Variants in NKAIN2 observed in about 807,000 individuals in gnomAD.
The protein encoded by NKAIN2 is sodium/potassium-transporting ATPase subunit beta-1-interacting protein 2.
NKAIN2 carries 14 observed loss-of-function variants against 32.6 expected under a neutral mutation model. The observed-to-expected ratio is 0.43, with a 90% CI of 0.28 to 0.67. The LOEUF (loss-of-function observed/expected upper bound fraction) is 0.67, where lower values mean the gene tolerates loss of function less well. Ranked by LOEUF, NKAIN2 falls within the 30% of genes least tolerant of loss-of-function variation. The probability of loss-of-function intolerance (pLI) is 0.17; values close to 1 mark genes in which losing one functional copy is unlikely to be tolerated. For missense variants in NKAIN2, 198 were observed against 258.3 expected, an observed-to-expected ratio of 0.77 and a Z score of 1.60; for synonymous variants, 80 against 87.2, an observed-to-expected ratio of 0.92 and a Z score of 0.46.
chr6:123,932,922 A>T (rs553197420), intron 1 of NKAIN2, among the ~76,000 whole-genome samples: 23 of 152,064 alleles, frequency 1.5e-4, no homozygotes, highest in African/African-American at 5.3e-4. Context: ...CCAGTCTGCT[A>T]TGAACATTTC....
chr6:124,277,171 A>G (rs1418222219), intron 1 of NKAIN2, among the ~76,000 whole-genome samples: 1 of 152,168 alleles, frequency 6.6e-6, no homozygotes, highest in Non-Finnish European at 1.5e-5. Context: ...GGGGCAGGAA[A>G]CAAAGAGTGG....
At chr6:124,123,262 A>G (rs1472648746) in intron 1 of NKAIN2, among the ~76,000 whole-genome samples, 2 of 152,064 alleles carry the variant, frequency 1.3e-5, no homozygotes. Flanking sequence ...CTGATGGAAG[A>G]CAGCTCTAAT....
intron 3 of NKAIN2, among the ~76,000 whole-genome samples, chr6:124,410,298 T>G (rs1774098204): frequency 6.6e-6 from 1 of 152,184 alleles, no homozygotes; most frequent in African/African-American, 2.4e-5. Context: ...GGTGTCAATT[T>G]TAGATCTTTC....
intron 4 of NKAIN2, among the ~76,000 whole-genome samples, chr6:124,790,469 T>G (rs1476039311): frequency 1.3e-5 from 2 of 152,094 alleles, no homozygotes; most frequent in African/African-American, 2.4e-5. Flanking sequence ...AATGTCATTG[T>G]GAATAATCTT....
intron 1 of NKAIN2, among the ~76,000 whole-genome samples, chr6:123,955,195 C>CA (rs1777509550): frequency 1.0e-5 from 1 of 99,280 alleles, no homozygotes. Context: ...TACAGAAAAA[C>CA]CAAAAAAAAA....
chr6:124,024,047 G>A (rs1365892239), intron 1 of NKAIN2, among the ~76,000 whole-genome samples: 2 of 151,538 alleles, frequency 1.3e-5, no homozygotes, highest in African/African-American at 4.9e-5. Context: ...AGAAATAGGG[G>A]GTGCAATTGG....
intron 1 of NKAIN2, among the ~76,000 whole-genome samples, chr6:123,897,632 A>G (rs1444241307): frequency 6.6e-6 from 1 of 151,962 alleles, no homozygotes; most frequent in Non-Finnish European, 1.5e-5. Context: ...GATTAATTAT[A>G]TATCTGTTAT....
At chr6:124,017,367 A>T (rs1780626881) in intron 1 of NKAIN2, among the ~76,000 whole-genome samples, 1 of 151,916 alleles carries the variant, frequency 6.6e-6, no homozygotes, top group Non-Finnish European at 1.5e-5. Flanking sequence ...TTGTGGCCCC[A>T]CCCAAATCTT....
chr6:124,129,441 A>G (rs574564804), intron 1 of NKAIN2, among the ~76,000 whole-genome samples: 1 of 152,292 alleles, frequency 6.6e-6, no homozygotes, highest in East Asian at 1.9e-4. Flanking sequence ...TTAAATGCAA[A>G]TGGCTATTAT....
chr6:124,144,049 A>T (rs557729325), intron 1 of NKAIN2, among the ~76,000 whole-genome samples: 8 of 152,222 alleles, frequency 5.3e-5, no homozygotes, highest in Non-Finnish European at 8.8e-5. Context: ...AATAAATTGA[A>T]GACAATTTAA....
chr6:124,675,048 G>T (rs555577893), intron 4 of NKAIN2, among the ~76,000 whole-genome samples: 183 of 152,020 alleles, frequency 1.2e-3, no homozygotes, highest in African/African-American at 4.3e-3. Flanking sequence ...TTCATAGTTT[G>T]TTGAGTGTTT....
At chr6:123,823,983 C>T (rs1253748391) in intron 1 of NKAIN2, among the ~76,000 whole-genome samples, 1 of 152,102 alleles carries the variant, frequency 6.6e-6, no homozygotes, top group Non-Finnish European at 1.5e-5. Flanking sequence ...TTAAAAAATA[C>T]TGAGCTGGGA....
chr6:124,625,724 ATTTAT>A (rs1269795413), intron 3 of NKAIN2, among the ~76,000 whole-genome samples: 1 of 151,452 alleles, frequency 6.6e-6, no homozygotes, highest in Non-Finnish European at 1.5e-5. Flanking sequence ...TTATTTATTT[ATTTAT>A]TTTTTGGTCT....
At chr6:124,187,035 T>G (rs905376171) in intron 1 of NKAIN2, among the ~76,000 whole-genome samples, 2 of 152,226 alleles carry the variant, frequency 1.3e-5, no homozygotes, top group Admixed American at 1.3e-4. Flanking sequence ...TTTAGAGCAG[T>G]CTGTGGGATT....
chr6:124,661,656 C>A (rs2114439726), intron 4 of NKAIN2, among the ~76,000 whole-genome samples: 1 of 152,286 alleles, frequency 6.6e-6, no homozygotes, highest in East Asian at 1.9e-4. Context: ...TGCCAGAACA[C>A]CATAATGATG....
At chr6:124,002,809 C>T (rs952541814) in intron 1 of NKAIN2, among the ~76,000 whole-genome samples, 10 of 152,170 alleles carry the variant, frequency 6.6e-5, no homozygotes, top group Non-Finnish European at 1.3e-4. Flanking sequence ...CTTGAATTCA[C>T]AAACGCTGAG....
At chr6:123,974,939 G>A (rs544039374) in intron 1 of NKAIN2, among the ~76,000 whole-genome samples, 2 of 152,240 alleles carry the variant, frequency 1.3e-5, no homozygotes, top group East Asian at 3.9e-4. Context: ...ATAATGAAAT[G>A]TTAGCATGCT....
At chr6:124,292,162 G>A (rs540693484) in intron 2 of NKAIN2, among the ~76,000 whole-genome samples, 27 of 152,218 alleles carry the variant, frequency 1.8e-4, no homozygotes, top group Middle Eastern at 3.4e-3. Context: ...AAAAGTGGTA[G>A]AGGGTTATTG....
intron 4 of NKAIN2, among the ~76,000 whole-genome samples, chr6:124,755,202 G>A (rs1777905478): frequency 6.6e-6 from 1 of 152,116 alleles, no homozygotes; most frequent in South Asian, 2.1e-4. Context: ...GAAGAACCTG[G>A]AGTCTGATGT....
Sources: gnomAD v4.1 joint callset for allele counts (sites outside exome capture counted in the v4.1 genomes callset) on GRCh38, gnomAD v4.1.1 for gene constraint, MANE v1.5 for transcripts, NCBI Gene and HGNC (gene_info 2026-07-23, HGNC 2026-07-21) for gene names.